The following PXDNL variants were observed in gnomAD, a reference collection of about 807,000 sequenced individuals.
The protein encoded by PXDNL is peroxidasin like.
PXDNL carries 145 observed loss-of-function variants against 150.8 expected under a neutral mutation model. That is an observed-to-expected ratio of 0.96 (90% confidence interval 0.84 to 1.10). PXDNL has a LOEUF of 1.10. Among genes scored for constraint, PXDNL ranks in the 50% least tolerant of loss-of-function variants. The pLI is 0.00. For missense variants in PXDNL, 2,087 were observed against 1,873.9 expected (o/e 1.11, Z -2.10); for synonymous variants, 757 against 725.7 (o/e 1.04, Z -0.69).
chr8:51,679,219 G>A (rs142552364), intron 1 of PXDNL, among the ~76,000 whole-genome samples: 3 of 152,286 alleles, frequency 2.0e-5, no homozygotes, highest in East Asian at 3.9e-4. Flanking sequence ...TTTGAAGCCT[G>A]GGAAATGGGC....
At chr8:51,717,612 C>A (rs1488201937) in intron 1 of PXDNL, among the ~76,000 whole-genome samples, 2 of 152,170 alleles carry the variant, frequency 1.3e-5, no homozygotes, top group Non-Finnish European at 2.9e-5. Flanking sequence ...GCTGGAAGCA[C>A]AAGCTACAAG....
At chr8:51,673,377 T>A (rs1209597342) in intron 1 of PXDNL, among the ~76,000 whole-genome samples, 1 of 152,222 alleles carries the variant, frequency 6.6e-6, no homozygotes, top group African/African-American at 2.4e-5. Flanking sequence ...ATTTTCTTTT[T>A]TACTCTGTTA....
intron 14 of PXDNL, among the ~76,000 whole-genome samples, chr8:51,418,848 G>T (rs547749721): frequency 2.6e-4 from 40 of 152,298 alleles, no homozygotes; most frequent in African/African-American, 8.9e-4. Context: ...GGATAATTTG[G>T]AAAGTTATTT....
chr8:51,460,988 T>C (rs1286454033), intron 8 of PXDNL, among the ~76,000 whole-genome samples: 1 of 151,980 alleles, frequency 6.6e-6, no homozygotes, highest in Non-Finnish European at 1.5e-5. Flanking sequence ...CTCTGGACCC[T>C]CCCAAGGCAC....
intron 1 of PXDNL, among the ~76,000 whole-genome samples, chr8:51,726,584 G>A (rs183007735): frequency 5.3e-5 from 8 of 152,224 alleles, no homozygotes; most frequent in South Asian, 4.2e-4. Context: ...ATTCTTTGCC[G>A]TTCACCTGAA....
chr8:51,460,608 G>A (rs537232484), intron 8 of PXDNL, among the ~76,000 whole-genome samples: 80 of 151,378 alleles, frequency 5.3e-4, no homozygotes, highest in Middle Eastern at 3.4e-3. Flanking sequence ...GCACAGAGTC[G>A]CCAAGTGCCA....
chr8:51,418,057 G>C (rs1808846145), intron 14 of PXDNL, among the ~76,000 whole-genome samples: 1 of 152,258 alleles, frequency 6.6e-6, no homozygotes, highest in African/African-American at 2.4e-5. Context: ...AAATGTATAT[G>C]TTAAAATTTT....
intron 3 of PXDNL, among the ~76,000 whole-genome samples, chr8:51,563,361 G>A (rs1383134295): frequency 6.6e-6 from 1 of 151,932 alleles, no homozygotes; most frequent in Non-Finnish European, 1.5e-5. Context: ...GCGAGAGCAA[G>A]CCCCCATGTC....
chr8:51,473,745 TAA>T (rs58652177), intron 7 of PXDNL, among the ~76,000 whole-genome samples: 164 of 129,890 alleles, frequency 1.3e-3, no homozygotes, highest in African/African-American at 3.6e-3. Context: ...ATGTCTAATT[TAA>T]AAAAAAAAAA....
chr8:51,319,880 C>G lies in PXDNL; in HGVS notation c.*11G>C, dbSNP rs1805264076. 1 of 1,503,652 alleles carries G rather than the reference C, an allele frequency of 6.7e-7. No individual in the cohort carries two copies. The highest frequency in any genetic ancestry group is 2.4e-5 in the East Asian group (1 of 40,988). The allele number at this position is 1,503,652 out of a possible 1,614,324, so 93.1% of individuals were successfully genotyped here. A position where few individuals can be genotyped will look rare whatever the true frequency, so the allele number is the denominator to read the frequency against. The stretch of plus-strand genomic sequence containing the variant: ...ATTTCCCATTTGGGGCTCAACAGCA[C>G]AAAACTTTTATTAGCGCTTCTCTGG... On this transcript the variant is annotated 3_prime_UTR_variant, in exon 23 of 23. Transcript: ENST00000356297.
At chr8:51,323,957 AAAG>A (rs1805409007) in intron 21 of PXDNL, among the ~76,000 whole-genome samples, 1 of 142,878 alleles carries the variant, frequency 7.0e-6, no homozygotes, top group South Asian at 2.2e-4. Flanking sequence ...ATAAAAAAAA[AAAG>A]AATCTTGTAC....
chr8:51,383,624 T>C (rs1372265895), intron 17 of PXDNL, among the ~76,000 whole-genome samples: 1 of 152,116 alleles, frequency 6.6e-6, no homozygotes, highest in Non-Finnish European at 1.5e-5. Context: ...GTGTTTAAAT[T>C]TACCTTTTAA....
intron 4 of PXDNL, among the ~76,000 whole-genome samples, chr8:51,540,423 A>G (rs1192732554): frequency 1.3e-5 from 2 of 152,116 alleles, no homozygotes; most frequent in Admixed American, 6.6e-5. Flanking sequence ...ATTTCTGAAT[A>G]TTGAGTTTTC....
intron 1 of PXDNL, among the ~76,000 whole-genome samples, chr8:51,801,621 G>A (rs13250922): frequency 0.69 from 104,038 of 151,596 alleles, 42,150 homozygotes; most frequent in Non-Finnish European, 0.9. Context: ...TGACACTTAG[G>A]GAAAATAGAA....
intron 17 of PXDNL, among the ~76,000 whole-genome samples, chr8:51,402,470 G>C (rs1808285469): frequency 6.6e-6 from 1 of 152,010 alleles, no homozygotes; most frequent in Non-Finnish European, 1.5e-5. Flanking sequence ...AGCAAGCCGA[G>C]ATCGCACCAC....
chr8:51,449,859 G>A (rs1453741271), intron 10 of PXDNL, among the ~76,000 whole-genome samples: 1 of 152,166 alleles, frequency 6.6e-6, no homozygotes, highest in Non-Finnish European at 1.5e-5. Context: ...CCCAAAAAAG[G>A]ATTCTTGGAC....
intron 17 of PXDNL, among the ~76,000 whole-genome samples, chr8:51,404,274 C>T (rs574988158): frequency 5.9e-5 from 9 of 152,342 alleles, no homozygotes; most frequent in African/African-American, 1.7e-4. Flanking sequence ...AGGCAGCCTG[C>T]TTTTATTCCC....
chr8:51,668,172 C>CTTT (rs765738861), intron 1 of PXDNL, among the ~76,000 whole-genome samples: 1 of 26,114 alleles, frequency 3.8e-5, no homozygotes. Context: ...CCTTCTCGCT[C>CTTT]TCTCTTTTTT....
chr8:51,440,914 C>T (rs1486046596), intron 12 of PXDNL, among the ~76,000 whole-genome samples: 2 of 152,198 alleles, frequency 1.3e-5, no homozygotes, highest in Admixed American at 6.5e-5. Context: ...TGAGCAGATC[C>T]AGAGCCTGTC....
Sources: allele counts gnomAD v4.1 joint callset (sites outside exome capture counted in the v4.1 genomes callset), GRCh38; gene constraint gnomAD v4.1.1; transcripts MANE v1.5; gene names NCBI Gene and HGNC (gene_info 2026-07-23, HGNC 2026-07-21).